The following SLC9A4 variants were observed in gnomAD, a reference collection of about 807,000 sequenced individuals.
The protein encoded by SLC9A4 is sodium/hydrogen exchanger 4.
In SLC9A4, 63 loss-of-function variants were observed where a neutral mutation model predicts 67.4. The ratio of observed to expected loss-of-function variants is 0.93; its 90% CI spans 0.76 to 1.15. The LOEUF is 1.15. Ranked by LOEUF, SLC9A4 falls within the 50% of genes most tolerant of loss-of-function variation. The pLI is 0.00. For missense variants in SLC9A4, 1,089 were observed against 987.7 expected, an observed-to-expected ratio of 1.10 and a Z score of -1.38; for synonymous variants, 393 against 367.2, an observed-to-expected ratio of 1.07 and a Z score of -0.80.
intron 6 of SLC9A4, among the ~76,000 whole-genome samples, chr2:102,510,174 G>C (rs1389685701): frequency 6.6e-6 from 1 of 151,704 alleles, no homozygotes; most frequent in Non-Finnish European, 1.5e-5. Flanking sequence ...AGCAGAGCCA[G>C]TAGGATGGAT....
Position 102,479,105 on chromosome 2 carries a change from C to T in SLC9A4, c.523C>T (p.Leu175Phe), listed in dbSNP as rs779410874. The T allele has an allele frequency of 6.8e-6, 11 of 1,614,190 alleles. No homozygotes were observed. Among genetic ancestry groups the T allele is most frequent in the Non-Finnish European group, 7.6e-6 (9 of 1,180,014 alleles). Residue 175 changes from leucine (L) to phenylalanine (F), a missense_variant, in exon 2 of 12, where the codon CTC (leucine) becomes TTC (phenylalanine). By Grantham distance (22) the Leu-to-Phe change is conservative (BLOSUM62 0). Transcript: ENST00000295269. ...CCTGATCAACGCCTTGGGCATTGGC[C>T]TCTCCCTCTACCTCATCTGCCAGGT... ...GALINALGIG[L>F]SLYLICQVKA... is the part of the protein sequence containing the mutation.
Position 102,473,983 on chromosome 2 carries a change from T to C in SLC9A4, c.224T>C (p.Leu75Pro), listed in dbSNP as rs777508052. The change falls in exon 1 of 12, where the codon CTC becomes CCC. Residue 75 changes from leucine to proline, a missense_variant. Leu to Pro is a moderately conservative substitution (Grantham distance 98). Transcript: ENST00000295269. ...DYVQIPYEVTLWILLASLAKI... is the reference protein window; with the variant it reads ...DYVQIPYEVTPWILLASLAKI... ...GTGCAAATTCCTTATGAGGTCACTC[T>C]CTGGATACTTCTAGCATCCCTTGCA... The C allele has an allele frequency of 1.2e-6, 2 of 1,614,028 alleles. No individual in the cohort carries two copies. The highest frequency in any genetic ancestry group is 1.7e-6 in the Non-Finnish European group (2 of 1,179,898).
chr2:102,486,433 T>A (rs1406707004), intron 2 of SLC9A4, among the ~76,000 whole-genome samples: 1 of 152,240 alleles, frequency 6.6e-6, no homozygotes, highest in Admixed American at 6.5e-5. Flanking sequence ...TTCGTGTCTG[T>A]CTATCTGAAC....
chr2:102,495,302 C>G (rs12712153), intron 2 of SLC9A4, among the ~76,000 whole-genome samples: 1 of 151,876 alleles, frequency 6.6e-6, no homozygotes, highest in Non-Finnish European at 1.5e-5. Flanking sequence ...AGAAATACTT[C>G]GAAGTGAATT....
chr2:102,481,890 C>T (rs1166467295), intron 2 of SLC9A4, among the ~76,000 whole-genome samples: 1 of 108,832 alleles, frequency 9.2e-6, no homozygotes, highest in African/African-American at 3.7e-5. Context: ...ATTTGGCAAG[C>T]AAGATCTTTT....
Position 102,478,833 on chromosome 2 carries a change from C to G in SLC9A4, c.257-6C>G. 1.2e-6 allele frequency: 2 copies of G among 1,612,736 alleles called. No homozygotes were observed. The highest frequency in any genetic ancestry group is 1.7e-6 in the Non-Finnish European group (2 of 1,179,246). ...AAGCACCTAACTGCTCTTCGCTGTT[C>G]TGCAGGCTTCCACCTCTACCACAGG... On this transcript the variant is annotated splice_region_variant and splice_polypyrimidine_tract_variant and intron_variant, in intron 1 of 11. Transcript: ENST00000295269.
intron 2 of SLC9A4, among the ~76,000 whole-genome samples, chr2:102,493,193 C>T (rs1413860655): frequency 6.7e-6 from 1 of 149,462 alleles, no homozygotes; most frequent in African/African-American, 2.6e-5. Flanking sequence ...TTGTCTTCTT[C>T]TGAGCCCTTC....
intron 11 of SLC9A4, among the ~76,000 whole-genome samples, chr2:102,529,944 G>T (rs952762266): frequency 6.6e-6 from 1 of 152,144 alleles, no homozygotes; most frequent in African/African-American, 2.4e-5. Flanking sequence ...TATATGACCT[G>T]AGGCTGCTTA....
chr2:102,516,951 T>A (rs1444080077), intron 8 of SLC9A4, among the ~76,000 whole-genome samples: 2 of 152,218 alleles, frequency 1.3e-5, no homozygotes, highest in Non-Finnish European at 2.9e-5. Flanking sequence ...TCCCAGATAA[T>A]TTTAATGTGT....
At chr2:102,529,661 C>G (rs1217997841) in intron 11 of SLC9A4, among the ~76,000 whole-genome samples, 1 of 152,214 alleles carries the variant, frequency 6.6e-6, no homozygotes, top group Non-Finnish European at 1.5e-5. Flanking sequence ...AACCCAAAGT[C>G]TTTCTGCACC....
chr2:102,490,318 CTT>C (rs1684669618), intron 2 of SLC9A4, among the ~76,000 whole-genome samples: 1 of 152,112 alleles, frequency 6.6e-6, no homozygotes, highest in Non-Finnish European at 1.5e-5. Context: ...ATATGAAAGA[CTT>C]TTATTCTTTC....
At chr2:102,489,945 A>G (rs1044751963) in intron 2 of SLC9A4, among the ~76,000 whole-genome samples, 8 of 152,226 alleles carry the variant, frequency 5.3e-5, no homozygotes, top group African/African-American at 1.9e-4. Context: ...GCTCCTTAAT[A>G]CAAGCTAGAA....
chr2:102,479,332 G>A lies in SLC9A4; in HGVS notation c.720+30G>A, dbSNP rs747545637. On this transcript the variant is annotated intron_variant, in intron 2 of 11. Coordinates refer to ENST00000295269, the MANE Select transcript of SLC9A4 (RefSeq NM_001011552.4). ...GATGTCATGTGCCCGCCCGGCTTCCGGGGGAGATGAGGGTTCGGGGTGGGG... is the reference window on the plus strand; with the variant it reads ...GATGTCATGTGCCCGCCCGGCTTCCAGGGGAGATGAGGGTTCGGGGTGGGG... The A allele has an allele frequency of 1.2e-5, 19 of 1,572,256 alleles. No homozygotes were observed. The East Asian group carries it at 1.4e-4, about 11-fold the overall frequency.
chr2:102,525,609 A>C (rs1246790397), intron 10 of SLC9A4, among the ~76,000 whole-genome samples: 1 of 151,898 alleles, frequency 6.6e-6, no homozygotes, highest in Non-Finnish European at 1.5e-5. Context: ...CACATCAGCC[A>C]CTGTGTTCCT....
intron 2 of SLC9A4, among the ~76,000 whole-genome samples, chr2:102,496,980 C>T (rs1029922485): frequency 3.9e-5 from 6 of 152,210 alleles, no homozygotes; most frequent in African/African-American, 1.4e-4. Flanking sequence ...GGCTGGAGTG[C>T]AGTGGCATAT....
At chr2:102,495,302 C>T (rs12712153) in intron 2 of SLC9A4, among the ~76,000 whole-genome samples, 107,692 of 151,940 alleles carry the variant, frequency 0.71, 38,879 homozygotes, top group Middle Eastern at 0.78. Context: ...AGAAATACTT[C>T]GAAGTGAATT....
chr2:102,495,859 A>G (rs1328999196), intron 2 of SLC9A4, among the ~76,000 whole-genome samples: 1 of 152,202 alleles, frequency 6.6e-6, no homozygotes, highest in Non-Finnish European at 1.5e-5. Flanking sequence ...TTAAAAATTA[A>G]CACAACATGT....
intron 1 of SLC9A4, among the ~76,000 whole-genome samples, chr2:102,476,121 C>G (rs1291837222): frequency 6.6e-6 from 1 of 152,096 alleles, no homozygotes; most frequent in Non-Finnish European, 1.5e-5. Context: ...TCAAAACTCT[C>G]CCCCAATCCT....
chr2:102,519,727 T>C, intron 8 of SLC9A4, 132 bp from the exon 9 acceptor site: 2 of 706,240 alleles, frequency 2.8e-6, no homozygotes, highest in South Asian at 2.9e-5. Flanking sequence ...ACTAGAACAA[T>C]AGGAAAAATT....
Sources: allele counts gnomAD v4.1 joint callset (sites outside exome capture counted in the v4.1 genomes callset), GRCh38; gene constraint gnomAD v4.1.1; transcripts MANE v1.5; gene names NCBI Gene and HGNC (gene_info 2026-07-23, HGNC 2026-07-21).